CD163L1: variants seen among roughly 807,000 people sequenced by gnomAD.
CD163L1 encodes scavenger receptor cysteine-rich type 1 protein M160.
CD163L1 carries 124 observed loss-of-function variants against 165.4 expected under a neutral mutation model. The ratio of observed to expected loss-of-function variants is 0.75; its 90% confidence interval spans 0.65 to 0.87. The LOEUF is 0.87. Ranked by LOEUF, CD163L1 falls within the 40% of genes least tolerant of loss-of-function variation. The pLI, the probability that CD163L1 is intolerant of heterozygous loss-of-function variation, is 0.00. For synonymous variants in CD163L1, 585 were observed against 662.2 expected, an observed-to-expected ratio of 0.88 and a Z score of 1.79; for missense variants, 1,525 against 1,799.9, an observed-to-expected ratio of 0.85 and a Z score of 2.76.
Position 7,396,159 on chromosome 12 carries a change from G to GC in CD163L1, c.1985dup (p.Cys662TrpfsTer9). 6.2e-7 allele frequency: 1 copy of GC among 1,614,122 alleles called. No homozygotes were observed. The highest frequency in any genetic ancestry group is 1.3e-5 in the African/African-American group (1 of 75,016). On this transcript the variant is annotated frameshift_variant, in exon 8 of 20. Coordinates refer to ENST00000313599, the MANE Select transcript of CD163L1 (RefSeq NM_174941.6). LOFTEE classifies it high-confidence loss of function. ...CATTATTTCCCCACCCACTGTTCCTGCATGACCAGAGATCTGACTCATCTC... is the reference window on the plus strand; with the variant it reads ...CATTATTTCCCCACCCACTGTTCCTGCCATGACCAGAGATCTGACTCATCTC...
intron 8 of CD163L1, among the ~76,000 whole-genome samples, chr12:7,380,371 A>ATACATGTATGTGTGTATACGCGTATACG (rs1947368136): frequency 6.8e-6 from 1 of 146,840 alleles, no homozygotes; most frequent in Non-Finnish European, 1.5e-5. Flanking sequence ...ACGCGTATAC[A>ATACATGTATGTGTGTATACGCGTATACG]TACATGTATG....
chr12:7,359,012 C>T (rs754610204), intron 18 of CD163L1, among the ~76,000 whole-genome samples: 1 of 151,894 alleles, frequency 6.6e-6, no homozygotes, highest in African/African-American at 2.4e-5. Flanking sequence ...AATCAGTGAG[C>T]TTGAAGAAAC....
chr12:7,339,335 CTG>C, the CD163L1 span, among the ~76,000 whole-genome samples: 1 of 152,074 alleles, frequency 6.6e-6, no homozygotes, highest in Admixed American at 6.6e-5. Context: ...TGTTTGGAAT[CTG>C]GGGATATTTG....
chr12:7,362,649 T>A (rs1946928458), intron 18 of CD163L1, among the ~76,000 whole-genome samples: 1 of 145,620 alleles, frequency 6.9e-6, no homozygotes, highest in Non-Finnish European at 1.5e-5. Context: ...TAATATAAAA[T>A]TATATAATTC....
rs909127345 is a variant in CD163L1 at position 7,432,191 on chromosome 12, G to C, written c.766+225C>G. ...TGATCGGCCTATGGAATACTGCTGA[G>C]TGATCAGAAATATTAAAACTCAAAA... On this transcript the variant is annotated intron_variant, in intron 4 of 19. Transcript: ENST00000313599. The surrounding 1 kb of genome is among the most constrained non-coding windows in gnomAD (Gnocchi z 4.2). 3.9e-5 allele frequency among the ~76,000 whole-genome samples: 6 copies of C among 152,218 alleles called. No homozygotes were observed. The highest frequency in any genetic ancestry group is 8.8e-5 in the Non-Finnish European group (6 of 68,042).
At chr12:7,438,103 T>G (rs974510742) in intron 2 of CD163L1, among the ~76,000 whole-genome samples, 2 of 152,168 alleles carry the variant, frequency 1.3e-5, no homozygotes, top group African/African-American at 4.8e-5. Context: ...TCCACTGCAT[T>G]TTCTAAGTTG....
At chr12:7,324,186 A>G in the CD163L1 span, 7 of 1,471,020 alleles carry the variant, frequency 4.8e-6, no homozygotes, top group Non-Finnish European at 6.4e-6. Context: ...TATAAGTAGG[A>G]TGTGTAATGT....
At chr12:7,422,798 C>T (rs1173645344) in intron 4 of CD163L1, among the ~76,000 whole-genome samples, 1 of 149,578 alleles carries the variant, frequency 6.7e-6, no homozygotes, top group Non-Finnish European at 1.5e-5. Context: ...CACACAGGTG[C>T]ACCCAATACA....
chr12:7,403,932 C>A, intron 5 of CD163L1, 77 bp from the exon 6 acceptor site: 1 of 1,147,664 alleles, frequency 8.7e-7, no homozygotes, highest in Non-Finnish European at 1.3e-6. Context: ...CCAACCCCTC[C>A]AATGTGAAGA....
intron 4 of CD163L1, among the ~76,000 whole-genome samples, chr12:7,417,976 C>G (rs750495036): frequency 3.9e-4 from 58 of 149,646 alleles, no homozygotes; most frequent in African/African-American, 1.3e-3. Context: ...ATTAAATTCT[C>G]TAATGAAAAA....
At chr12:7,371,295 C>T (rs1413574179) in intron 14 of CD163L1, among the ~76,000 whole-genome samples, 1 of 152,030 alleles carries the variant, frequency 6.6e-6, no homozygotes, top group East Asian at 1.9e-4. Flanking sequence ...GAGAATAAGC[C>T]AATAGTCCTG....
At chr12:7,379,328 G>A (rs1365981132) in intron 8 of CD163L1, 30 bp from the exon 9 acceptor site, 5 of 1,605,470 alleles carry the variant, frequency 3.1e-6, no homozygotes. Flanking sequence ...TGATTTTAGA[G>A]AAGCACTCTA....
Position 7,369,542 on chromosome 12 carries a change from T to C in CD163L1, c.3854A>G (p.Gln1285Arg). ...CAGAGCAGAGCCACAGCCCAGCTGC[T>C]GACACACCACTTCCGCCTCGGCCAG... Reference protein sequence around the residue: ...WDLAEAEVVCQQLGCGSALAA... With the variant: ...WDLAEAEVVCRQLGCGSALAA... The change falls in exon 15 of 20, where the codon CAG becomes CGG. Residue 1285 changes from glutamine (Q) to arginine (R), a missense_variant. Gln to Arg is a conservative substitution (Grantham distance 43). Coordinates refer to ENST00000313599, the MANE Select transcript of CD163L1 (RefSeq NM_174941.6). The surrounding 1 kb of genome is among the most constrained non-coding windows in gnomAD (Gnocchi z 4.9). 6.2e-7 allele frequency: 1 copy of C among 1,614,164 alleles called. No individual in the cohort carries two copies. Among genetic ancestry groups the C allele is most frequent in the Non-Finnish European group, 8.5e-7 (1 of 1,180,034 alleles).
chr12:7,339,051 T>C, the CD163L1 span, among the ~76,000 whole-genome samples: 1 of 152,186 alleles, frequency 6.6e-6, no homozygotes, highest in African/African-American at 2.4e-5. Context: ...CAGGGAAATA[T>C]AGTGAGATAA....
At chr12:7,421,378 T>TATA (rs1565809634) in intron 4 of CD163L1, among the ~76,000 whole-genome samples, 14 of 98,018 alleles carry the variant, frequency 1.4e-4, no homozygotes, top group East Asian at 1.1e-3. Context: ...TATATATACA[T>TATA]TTGGAAGATA....
chr12:7,379,914 A>C (rs1947349587), intron 8 of CD163L1, among the ~76,000 whole-genome samples: 1 of 151,898 alleles, frequency 6.6e-6, no homozygotes, highest in Non-Finnish European at 1.5e-5. Context: ...AATGATCAGG[A>C]AAATGCAAAT....
chr12:7,366,947 T>TACAATAATCAATCAAA (rs1345690562), intron 18 of CD163L1, among the ~76,000 whole-genome samples: 8 of 152,192 alleles, frequency 5.3e-5, no homozygotes, highest in African/African-American at 1.7e-4. Context: ...GACCAGGTAT[T>TACAATAATCAATCAAA]TGACTGATTA....
At chr12:7,361,112 T>C (rs1946881889) in intron 18 of CD163L1, among the ~76,000 whole-genome samples, 1 of 152,162 alleles carries the variant, frequency 6.6e-6, no homozygotes, top group African/African-American at 2.4e-5. Flanking sequence ...ATGCTTTTTG[T>C]ATGTACCAAT....
Position 7,398,131 on chromosome 12 carries a change from G to C in CD163L1, c.1729+133C>G. 1.4e-6 allele frequency: 1 copy of C among 726,538 alleles called. No individual in the cohort carries two copies. Among genetic ancestry groups the C allele is most frequent in the Non-Finnish European group, 2.2e-6 (1 of 446,292 alleles). The allele number at this position is 726,538 out of a possible 1,614,324, so 45.0% of individuals were successfully genotyped here. A position where few individuals can be genotyped will look rare whatever the true frequency, so the allele number is the denominator to read the frequency against. On this transcript the variant is annotated intron_variant, in intron 7 of 19. Coordinates refer to ENST00000313599, the MANE Select transcript of CD163L1 (RefSeq NM_174941.6). This position sits in a 1 kb window ranked among gnomAD's most constrained non-coding sequence, Gnocchi z 4.5. ...AGAGTTCCAGGTGAAGTGAACTGAA[G>C]TCTAATTTAAAGACAAGAGTCATGG...
Sources: allele counts gnomAD v4.1 joint callset (sites outside exome capture counted in the v4.1 genomes callset), GRCh38; gene constraint gnomAD v4.1.1; non-coding constraint Gnocchi (gnomAD v3.1); transcripts MANE v1.5; gene names NCBI Gene and HGNC (gene_info 2026-07-23, HGNC 2026-07-21).